The following ARHGAP6 variants were observed in gnomAD, a reference collection of about 807,000 sequenced individuals.
ARHGAP6 encodes Rho GTPase activating protein 6, also known as rho GTPase-activating protein 6.
In ARHGAP6, 16 loss-of-function variants were observed where a neutral mutation model predicts 55.7. The observed-to-expected ratio is 0.29, with a 90% confidence interval of 0.19 to 0.44. The LOEUF is 0.44. ARHGAP6 is among the 20% of genes least tolerant of loss of function. ARHGAP6 has a pLI of 1.00. For synonymous variants in ARHGAP6, 382 were observed against 360.9 expected, an observed-to-expected ratio of 1.06 and a Z score of -0.66; for missense variants, 698 against 808.9, an observed-to-expected ratio of 0.86 and a Z score of 1.66.
At chrX:11,230,295 T>A (rs772754541) in intron 2 of ARHGAP6, among the ~76,000 whole-genome samples, 74 of 111,481 alleles carry the variant, frequency 6.6e-4, no homozygotes, top group Admixed American at 1.5e-3. Context: ...TCTCCCGAGT[T>A]CAAGCGATTC....
intron 1 of ARHGAP6, among the ~76,000 whole-genome samples, chrX:11,620,164 G>T (rs902412289): frequency 1.2e-4 from 13 of 111,868 alleles, no homozygotes; most frequent in Admixed American, 4.7e-4. Context: ...AAATAAAGCA[G>T]GTTTATGGAG....
At chrX:11,241,563 T>TGC (rs1199681081) in intron 2 of ARHGAP6, among the ~76,000 whole-genome samples, 1 of 102,510 alleles carries the variant, frequency 9.8e-6, no homozygotes, top group Non-Finnish European at 2.0e-5. Context: ...TGTGTGTGTG[T>TGC]GTGTGTGTGT....
intron 1 of ARHGAP6, among the ~76,000 whole-genome samples, chrX:11,660,006 C>T (rs1645205770): frequency 8.9e-6 from 1 of 111,829 alleles, no homozygotes; most frequent in African/African-American, 3.3e-5. Flanking sequence ...ACAAAGTCAC[C>T]TCCAGGTTAA....
intron 1 of ARHGAP6, among the ~76,000 whole-genome samples, chrX:11,459,566 T>C (rs1435413771): frequency 8.9e-6 from 1 of 112,014 alleles, no homozygotes; most frequent in Non-Finnish European, 1.9e-5. Flanking sequence ...GTTTAGCTAT[T>C]GTTTTGTGGT....
chrX:11,273,153 A>G, intron 1 of ARHGAP6, among the ~76,000 whole-genome samples: 1 of 110,809 alleles, frequency 9.0e-6, no homozygotes, highest in Non-Finnish European at 1.9e-5. Flanking sequence ...TAAAGCAAAT[A>G]GCGGGGCCAA....
At chrX:11,298,043 C>T in intron 1 of ARHGAP6, 4 of 1,084,539 alleles carry the variant, frequency 3.7e-6, no homozygotes. Context: ...TGGATGTAAA[C>T]ACAGTGCCTG....
At chrX:11,525,232 C>A (rs1266891082) in intron 1 of ARHGAP6, among the ~76,000 whole-genome samples, 1 of 111,695 alleles carries the variant, frequency 9.0e-6, no homozygotes, top group Non-Finnish European at 1.9e-5. Context: ...TTGTTGGCAA[C>A]CAAAAATGTC....
chrX:11,322,828 G>A (rs1005233534), intron 1 of ARHGAP6, among the ~76,000 whole-genome samples: 1 of 112,395 alleles, frequency 8.9e-6, no homozygotes, highest in African/African-American at 3.2e-5. Flanking sequence ...CTACTAGAAT[G>A]CTTCTGCTGA....
intron 1 of ARHGAP6, among the ~76,000 whole-genome samples, chrX:11,641,429 T>C (rs1237421178): frequency 2.7e-5 from 3 of 111,772 alleles, no homozygotes; most frequent in African/African-American, 9.7e-5. Flanking sequence ...GGACTTGGCA[T>C]ATTGACAACG....
In ARHGAP6 at chrX:11,443,699, T is replaced by C. The variant is rs747901072; in HGVS notation, c.589-188992A>G. On this transcript the variant is annotated intron_variant, in intron 1 of 12. Transcript: ENST00000337414. The stretch of plus-strand genomic sequence containing the variant: ...ATCCCAGTACTTTGGGAGGCCGAAG[T>C]GGGTGGATCACGAGGTCAGGAGATC... Among the ~76,000 whole-genome samples the C allele has an allele frequency of 2.7e-5, 3 of 112,227 alleles. No individual in the cohort carries two copies. In the South Asian group the frequency reaches 1.1e-3, roughly 42 times the overall value.
chrX:11,212,260 C>G (rs2046814835), intron 2 of ARHGAP6, among the ~76,000 whole-genome samples: 1 of 111,902 alleles, frequency 8.9e-6, no homozygotes, highest in African/African-American at 3.3e-5. Flanking sequence ...CTAATCAGCC[C>G]TTTCCTCTGA....
intron 1 of ARHGAP6, among the ~76,000 whole-genome samples, chrX:11,342,205 T>C (rs1052290915): frequency 1.8e-5 from 2 of 112,017 alleles, no homozygotes; most frequent in African/African-American, 6.5e-5. Flanking sequence ...TTTTTAATCC[T>C]TAGATTTTCT....
chrX:11,545,401 T>G (rs1000046139), intron 1 of ARHGAP6, among the ~76,000 whole-genome samples: 1 of 112,130 alleles, frequency 8.9e-6, no homozygotes, highest in African/African-American at 3.2e-5. Context: ...TCTAGTTTAT[T>G]CCCATAATTT....
chrX:11,343,641 T>C (rs924038374), intron 1 of ARHGAP6, among the ~76,000 whole-genome samples: 2 of 111,188 alleles, frequency 1.8e-5, no homozygotes, highest in African/African-American at 6.5e-5. Flanking sequence ...AAAATGCAAC[T>C]GTTTGAACCC....
chrX:11,524,353 T>G (rs1436117210), intron 1 of ARHGAP6, among the ~76,000 whole-genome samples: 4 of 111,527 alleles, frequency 3.6e-5, no homozygotes, highest in African/African-American at 1.3e-4. Context: ...TTCAGCTGGC[T>G]GAAATGGAGG....
chrX:11,346,230 T>C (rs2048782362), intron 1 of ARHGAP6, among the ~76,000 whole-genome samples: 1 of 111,968 alleles, frequency 8.9e-6, no homozygotes, highest in African/African-American at 3.3e-5. Flanking sequence ...CTGGGACAAA[T>C]CCAGTCCACT....
chrX:11,230,485 C>A (rs998061753), intron 2 of ARHGAP6, among the ~76,000 whole-genome samples: 1 of 111,208 alleles, frequency 9.0e-6, no homozygotes, highest in Non-Finnish European at 1.9e-5. Context: ...CATGAGCCAC[C>A]GCGCCCGGCC....
At chrX:11,183,299 TG>T (rs2046345256) in intron 5 of ARHGAP6, among the ~76,000 whole-genome samples, 1 of 111,628 alleles carries the variant, frequency 9.0e-6, no homozygotes, top group Admixed American at 9.5e-5. Flanking sequence ...CTCTGAATGG[TG>T]CACAGGTCCC....
intron 1 of ARHGAP6, among the ~76,000 whole-genome samples, chrX:11,495,541 G>A (rs2050613336): frequency 8.9e-6 from 1 of 111,958 alleles, no homozygotes; most frequent in Admixed American, 9.5e-5. Flanking sequence ...ACATCTCTGA[G>A]CCAGGGAAGA....
Sources: gnomAD v4.1 joint callset for allele counts (sites outside exome capture counted in the v4.1 genomes callset) on GRCh38, gnomAD v4.1.1 for gene constraint, MANE v1.5 for transcripts, NCBI Gene and HGNC (gene_info 2026-07-23, HGNC 2026-07-21) for gene names.